ZUP1: variants seen among roughly 807,000 people sequenced by gnomAD.
The protein encoded by ZUP1 is zinc finger containing ubiquitin peptidase 1, also known as zinc finger-containing ubiquitin peptidase 1.
A neutral mutation model predicts 68.1 loss-of-function variants in ZUP1; 55 were observed. The observed-to-expected ratio is 0.81, with a 90% CI of 0.65 to 1.01. The LOEUF (loss-of-function observed/expected upper bound fraction) is 1.01. Among genes scored for constraint, ZUP1 ranks in the 50% least tolerant of loss-of-function variants. The pLI is 0.00. For missense variants in ZUP1, 684 were observed against 674.9 expected, an observed-to-expected ratio of 1.01 and a Z score of -0.15; for synonymous variants, 223 against 221.5, an observed-to-expected ratio of 1.01 and a Z score of -0.06.
At chr6:116,650,023 G>T (rs748820032) in intron 7 of ZUP1, among the ~76,000 whole-genome samples, 29 of 152,016 alleles carry the variant, frequency 1.9e-4, no homozygotes, top group Non-Finnish European at 1.3e-4. Flanking sequence ...TAACATAATG[G>T]GTAAAATAAA....
In ZUP1 at chr6:116,638,249, A is replaced by G. The variant is rs540763150; in HGVS notation, c.1690-2370T>C. On this transcript the variant is annotated intron_variant, in intron 9 of 9. Transcript: ENST00000368576. ...AGAGGGAAATAAATCAATGTGAAGT[A>G]TTTTGGAGCTTTTTTTTCTTAATTT... Among the ~76,000 whole-genome samples the G allele has an allele frequency of 1.3e-3, 203 of 152,176 alleles. 5 individuals carry two copies. The South Asian group carries it at 0.041, about 31-fold the overall frequency.
intron 2 of ZUP1, among the ~76,000 whole-genome samples, chr6:116,661,305 C>T (rs533391021): frequency 6.6e-5 from 10 of 151,722 alleles, no homozygotes; most frequent in Non-Finnish European, 1.2e-4. Context: ...CTTCTAGGGT[C>T]GAGATAGAAG....
intron 7 of ZUP1, among the ~76,000 whole-genome samples, chr6:116,648,265 C>T (rs889483941): frequency 3.9e-5 from 6 of 152,184 alleles, no homozygotes; most frequent in Non-Finnish European, 8.8e-5. Flanking sequence ...GTTTATACTA[C>T]TCAACAACTG....
chr6:116,643,904 C>A (rs1776203182), intron 9 of ZUP1, among the ~76,000 whole-genome samples: 1 of 152,022 alleles, frequency 6.6e-6, no homozygotes, highest in African/African-American at 2.4e-5. Flanking sequence ...AACAGGCAAC[C>A]TACAAAATAG....
chr6:116,665,088 GA>G (rs1202133492), intron 2 of ZUP1, among the ~76,000 whole-genome samples: 4 of 151,744 alleles, frequency 2.6e-5, no homozygotes, highest in Admixed American at 2.0e-4. Context: ...ACAGCTGAAG[GA>G]TTAGTATTGA....
In ZUP1 at chr6:116,667,004, C is replaced by T. The variant is rs150855973; in HGVS notation, c.189G>A (p.Glu63=). ...FEQNTLERNF[E]RINTVQYGTS... ...TTCCATATTGTACTGTATTTATCCT[C>T]TCAAAGTTTCTTTCAAGTGTATTCT... Residue 63 remains glutamate (E), a synonymous_variant, in exon 2 of 10, where the codon GAG becomes GAA. Coordinates refer to ENST00000368576, the MANE Select transcript of ZUP1 (RefSeq NM_145062.3). 15 of 1,612,898 alleles carry T rather than the reference C, an allele frequency of 9.3e-6. No individual in the cohort carries two copies. In the African/African-American group the frequency reaches 1.7e-4, roughly 19 times the overall value.
chr6:116,636,703 T>A (rs1313436813), intron 9 of ZUP1, among the ~76,000 whole-genome samples: 1 of 152,100 alleles, frequency 6.6e-6, no homozygotes, highest in Non-Finnish European at 1.5e-5. Flanking sequence ...TATTAAAAGA[T>A]CAGAACTAAT....
intron 6 of ZUP1, 111 bp downstream of exon 6, chr6:116,651,893 T>G: frequency 1.4e-6 from 2 of 1,414,456 alleles, no homozygotes; most frequent in Non-Finnish European, 1.9e-6. Flanking sequence ...AATTCAGGTT[T>G]CTTATATAAA....
At chr6:116,658,317 A>G (rs1332108361) in intron 4 of ZUP1, among the ~76,000 whole-genome samples, 1 of 152,254 alleles carries the variant, frequency 6.6e-6, no homozygotes, top group Non-Finnish European at 1.5e-5. Flanking sequence ...GCATTTTCCC[A>G]TAAAATAGTT....
intron 8 of ZUP1, 114 bp downstream of exon 8, chr6:116,647,345 T>G: frequency 2.1e-5 from 20 of 945,074 alleles, no homozygotes; most frequent in Non-Finnish European, 2.6e-5. Context: ...AGCAACAGAG[T>G]GAGATTCTGT....
intron 9 of ZUP1, among the ~76,000 whole-genome samples, chr6:116,645,417 C>CA (rs966468736): frequency 6.6e-6 from 1 of 151,356 alleles, no homozygotes; most frequent in Non-Finnish European, 1.5e-5. Context: ...CCCGTCTCTA[C>CA]AAAAAATACA....
intron 2 of ZUP1, among the ~76,000 whole-genome samples, chr6:116,665,591 G>C (rs1452376156): frequency 2.7e-5 from 3 of 112,718 alleles, no homozygotes; most frequent in African/African-American, 1.1e-4. Flanking sequence ...TTTTTTTTTG[G>C]AGACAGGGTC....
chr6:116,640,089 C>T (rs941895348), intron 9 of ZUP1, among the ~76,000 whole-genome samples: 4 of 151,726 alleles, frequency 2.6e-5, no homozygotes, highest in Admixed American at 6.6e-5. Context: ...AGGGTATCAG[C>T]GATGGAAGAT....
chr6:116,647,426 A>C (rs1424661032), intron 8 of ZUP1, 33 bp downstream of exon 8: 2 of 1,472,614 alleles, frequency 1.4e-6, no homozygotes, highest in Admixed American at 2.1e-5. Context: ...CTTATAAACA[A>C]CATTGTCAAA....
intron 4 of ZUP1, among the ~76,000 whole-genome samples, chr6:116,657,828 T>C (rs1281715419): frequency 3.3e-5 from 5 of 152,182 alleles, no homozygotes; most frequent in Admixed American, 2.0e-4. Flanking sequence ...CGGTGGCTCA[T>C]GCCTATAATC....
At position 116,635,641 on chromosome 6, in the gene ZUP1, T is replaced by C; in HGVS notation, c.*191A>G. 2.3e-6 allele frequency: 1 copy of C among 444,050 alleles called. No homozygotes were observed. The highest frequency in any genetic ancestry group is 5.8e-4 in the Middle Eastern group (1 of 1,726). The allele number at this position is 444,050 out of a possible 1,614,324, so 27.5% of individuals were successfully genotyped here. ...TCCACAATGCAAAAACAAGACATTT[T>C]ATTGAAATAATTTACCAAACAATGA... On this transcript the variant is annotated 3_prime_UTR_variant, in exon 10 of 10. Coordinates refer to ENST00000368576, the MANE Select transcript of ZUP1 (RefSeq NM_145062.3).
intron 9 of ZUP1, among the ~76,000 whole-genome samples, chr6:116,643,092 T>C (rs1436367452): frequency 6.6e-6 from 1 of 151,776 alleles, no homozygotes; most frequent in East Asian, 1.9e-4. Flanking sequence ...TCACAATTGC[T>C]TCAAAGAGAA....
At chr6:116,651,900 T>C (rs1776509844) in intron 6 of ZUP1, 104 bp downstream of exon 6, 1 of 1,416,580 alleles carries the variant, frequency 7.1e-7, no homozygotes, top group Non-Finnish European at 9.6e-7. Context: ...GTTTCTTATA[T>C]AAATATCCAC....
chr6:116,643,599 A>G (rs1776191962), intron 9 of ZUP1, among the ~76,000 whole-genome samples: 1 of 152,222 alleles, frequency 6.6e-6, no homozygotes, highest in African/African-American at 2.4e-5. Flanking sequence ...AGGATTTCCT[A>G]TTTAATAAAT....
Sources: gnomAD v4.1 joint callset for allele counts (sites outside exome capture counted in the v4.1 genomes callset) on GRCh38, gnomAD v4.1.1 for gene constraint, MANE v1.5 for transcripts, NCBI Gene and HGNC (gene_info 2026-07-23, HGNC 2026-07-21) for gene names.